DOK6: variants seen among roughly 807,000 people sequenced by gnomAD.
DOK6 encodes the protein downstream of tyrosine kinase 6.
DOK6 carries 22 observed loss-of-function variants against 44.0 expected under a neutral mutation model. That is an observed-to-expected ratio of 0.50 (90% CI 0.36 to 0.71). The LOEUF (loss-of-function observed/expected upper bound fraction) is 0.71. DOK6 is among the 30% of genes least tolerant of loss of function. DOK6 has a pLI of 0.00. For missense variants in DOK6, 340 were observed against 416.4 expected (o/e 0.82, Z 1.60); for synonymous variants, 166 against 145.5 (o/e 1.14, Z -1.01).
chr18:69,520,393 T>A (rs1184982091), intron 1 of DOK6, among the ~76,000 whole-genome samples: 1 of 151,882 alleles, frequency 6.6e-6, no homozygotes, highest in Non-Finnish European at 1.5e-5. Context: ...AGTATGTATG[T>A]CAGTGTGTAT....
At position 69,842,982 on chromosome 18, in the gene DOK6, T is replaced by C. The variant is rs1429436209; in HGVS notation, c.*1599T>C. On this transcript the variant is annotated 3_prime_UTR_variant, in exon 8 of 8. Transcript: ENST00000382713. ...TTTTTTGCTGATCTCTGATGAGTTG[T>C]CTTTTCATCCCTATCTGTAGCTTGA... is the stretch of plus-strand genomic sequence containing the variant. The C allele has an allele frequency of 6.6e-6, 1 of 152,166 alleles. No individual in the cohort carries two copies. Among genetic ancestry groups the C allele is most frequent in the African/African-American group, 2.4e-5 (1 of 41,436 alleles). The allele number at this position is 152,166 out of a possible 1,614,324, so 9.4% of individuals were successfully genotyped here.
chr18:69,507,266 A>T (rs922068017), intron 1 of DOK6, among the ~76,000 whole-genome samples: 4 of 152,070 alleles, frequency 2.6e-5, no homozygotes, highest in Non-Finnish European at 4.4e-5. Context: ...TGACCTTGTG[A>T]TCCGCCCACC....
intron 1 of DOK6, among the ~76,000 whole-genome samples, chr18:69,407,255 C>A (rs1916222397): frequency 6.6e-6 from 1 of 151,998 alleles, no homozygotes; most frequent in South Asian, 2.1e-4. Flanking sequence ...ATTTTAGAAA[C>A]TGTAGAAGAT....
chr18:69,729,452 A>G (rs1392800315), intron 5 of DOK6, among the ~76,000 whole-genome samples: 2 of 152,182 alleles, frequency 1.3e-5, no homozygotes, highest in Non-Finnish European at 1.5e-5. Context: ...CAAGAAGTGA[A>G]GGTTTTATTT....
rs556919276 is a variant in DOK6, at chr18:69,817,704, C to T, written c.857-23540C>T. Among the ~76,000 whole-genome samples, 19 of 152,270 alleles carry T rather than the reference C, an allele frequency of 1.2e-4. 1 individual carries two copies. In the East Asian group the frequency reaches 1.9e-3, roughly 15 times the overall value. On this transcript the variant is annotated intron_variant, in intron 7 of 7. Coordinates refer to ENST00000382713, the MANE Select transcript of DOK6 (RefSeq NM_152721.6). ...TTCCTAAAAGTCCTGTCTTCAAGTA[C>T]AGTCACATTGTGAGTGAAGGCTTCA... is the stretch of plus-strand genomic sequence containing the variant.
At chr18:69,749,552 A>T (rs941316967) in intron 6 of DOK6, among the ~76,000 whole-genome samples, 1 of 152,288 alleles carries the variant, frequency 6.6e-6, no homozygotes, top group South Asian at 2.1e-4. Context: ...GATTGATATT[A>T]ATCAATCAAA....
At chr18:69,462,312 A>C (rs1979810949) in intron 1 of DOK6, among the ~76,000 whole-genome samples, 1 of 152,128 alleles carries the variant, frequency 6.6e-6, no homozygotes, top group Non-Finnish European at 1.5e-5. Context: ...CTAACCACTG[A>C]TTAAATGAAA....
At chr18:69,774,676 A>G (rs1362595047) in intron 7 of DOK6, among the ~76,000 whole-genome samples, 1 of 151,954 alleles carries the variant, frequency 6.6e-6, no homozygotes, top group Non-Finnish European at 1.5e-5. Context: ...CGTGCAACAG[A>G]GAGATGTTAA....
chr18:69,638,311 A>G (rs753069058), intron 3 of DOK6, among the ~76,000 whole-genome samples: 2 of 152,224 alleles, frequency 1.3e-5, no homozygotes, highest in Non-Finnish European at 2.9e-5. Context: ...GCACTTTGCC[A>G]TACACTTGCC....
chr18:69,612,398 T>TG (rs1984163853), intron 3 of DOK6, among the ~76,000 whole-genome samples: 8 of 41,060 alleles, frequency 1.9e-4, no homozygotes, highest in Non-Finnish European at 3.3e-4. Flanking sequence ...ACGAAGAGAC[T>TG]TTGTGTGCGA....
chr18:69,544,373 C>T (rs1321282540), intron 1 of DOK6, among the ~76,000 whole-genome samples: 1 of 151,388 alleles, frequency 6.6e-6, no homozygotes, highest in East Asian at 1.9e-4. Context: ...AGAAACTGTA[C>T]ACAAGGAATA....
chr18:69,471,276 A>T (rs1467001129), intron 1 of DOK6, among the ~76,000 whole-genome samples: 1 of 149,472 alleles, frequency 6.7e-6, no homozygotes, highest in Non-Finnish European at 1.5e-5. Context: ...AAAAAAAAAA[A>T]AAAGGGGTGA....
At chr18:69,614,984 A>G (rs1234574427) in intron 3 of DOK6, among the ~76,000 whole-genome samples, 1 of 152,144 alleles carries the variant, frequency 6.6e-6, no homozygotes, top group Non-Finnish European at 1.5e-5. Flanking sequence ...AAGGTTGTAT[A>G]GTTCAGGTAC....
At chr18:69,474,806 G>A (rs1693719555) in intron 1 of DOK6, among the ~76,000 whole-genome samples, 1 of 152,128 alleles carries the variant, frequency 6.6e-6, no homozygotes, top group East Asian at 1.9e-4. Flanking sequence ...ATTCAGTTGT[G>A]TAATTCTTGT....
chr18:69,575,055 A>C (rs894810939), intron 2 of DOK6, among the ~76,000 whole-genome samples: 6 of 152,022 alleles, frequency 3.9e-5, no homozygotes, highest in Non-Finnish European at 5.9e-5. Context: ...AGGCTTCCCT[A>C]CTGCACAGCA....
intron 2 of DOK6, among the ~76,000 whole-genome samples, chr18:69,578,844 G>A (rs1983297322): frequency 6.6e-6 from 1 of 151,526 alleles, no homozygotes; most frequent in Non-Finnish European, 1.5e-5. Flanking sequence ...ATTTCAGTGA[G>A]AAATTATTCT....
intron 1 of DOK6, among the ~76,000 whole-genome samples, chr18:69,484,938 G>T (rs945033801): frequency 6.6e-6 from 1 of 152,160 alleles, no homozygotes; most frequent in African/African-American, 2.4e-5. Flanking sequence ...GGAACAGGAA[G>T]GAAGAGCGTC....
At chr18:69,628,382 T>TG (rs1291433242) in intron 3 of DOK6, among the ~76,000 whole-genome samples, 1 of 152,052 alleles carries the variant, frequency 6.6e-6, no homozygotes, top group Non-Finnish European at 1.5e-5. Flanking sequence ...CCCAGCTACT[T>TG]GGGGGGCTGA....
intron 1 of DOK6, among the ~76,000 whole-genome samples, chr18:69,529,899 A>G (rs1942480437): frequency 6.6e-6 from 1 of 152,176 alleles, no homozygotes; most frequent in Middle Eastern, 3.2e-3. Context: ...CTTTACATAT[A>G]TTATCTCATA....
Sources: allele counts gnomAD v4.1 joint callset (sites outside exome capture counted in the v4.1 genomes callset), GRCh38; gene constraint gnomAD v4.1.1; transcripts MANE v1.5; gene names NCBI Gene and HGNC (gene_info 2026-07-23, HGNC 2026-07-21).